SCRG1: variants seen among roughly 807,000 people sequenced by gnomAD.
SCRG1 encodes scrapie-responsive protein 1.
SCRG1 carries 3 observed loss-of-function variants against 7.7 expected under a neutral mutation model. That is an observed-to-expected ratio of 0.39 (90% CI 0.18 to 1.01). SCRG1 has a LOEUF of 1.01. Ranked by LOEUF, SCRG1 falls within the 50% of genes least tolerant of loss-of-function variation. The pLI is 0.36. For synonymous variants in SCRG1, 46 were observed against 41.2 expected, an observed-to-expected ratio of 1.12 and a Z score of -0.44; for missense variants, 110 against 117.2, an observed-to-expected ratio of 0.94 and a Z score of 0.28.
At chr4:173,492,584 T>C in the SCRG1 span, among the ~76,000 whole-genome samples, 1 of 152,090 alleles carries the variant, frequency 6.6e-6, no homozygotes, top group African/African-American at 2.4e-5. Context: ...AGGGATTTAG[T>C]AGGAGGTATG....
the SCRG1 span, among the ~76,000 whole-genome samples, chr4:173,464,681 G>T: frequency 6.6e-6 from 1 of 152,138 alleles, no homozygotes; most frequent in African/African-American, 2.4e-5. Flanking sequence ...AGACAGTTTG[G>T]CAGTTTCTCA....
chr4:173,502,472 T>C, the SCRG1 span, among the ~76,000 whole-genome samples: 4 of 152,172 alleles, frequency 2.6e-5, no homozygotes, highest in Admixed American at 6.5e-5. This position sits in a 1 kb window ranked among gnomAD's most constrained non-coding sequence, Gnocchi z 4.6. Flanking sequence ...TGATCTGCAA[T>C]AAAGTTCATG....
the SCRG1 span, among the ~76,000 whole-genome samples, chr4:173,415,290 G>C: frequency 6.6e-6 from 1 of 152,222 alleles, no homozygotes; most frequent in Non-Finnish European, 1.5e-5. Flanking sequence ...CTAATCTGTT[G>C]TGAAGTGAGG....
chr4:173,442,445 T>A, the SCRG1 span, among the ~76,000 whole-genome samples: 89 of 152,352 alleles, frequency 5.8e-4, no homozygotes, highest in African/African-American at 2.0e-3. Flanking sequence ...CGACTTCAGC[T>A]GCTCCCTGTC....
At chr4:173,467,719 T>C in the SCRG1 span, 2 of 152,216 alleles carry the variant, frequency 1.3e-5, no homozygotes, top group South Asian at 2.1e-4. Flanking sequence ...TCTCATTTCA[T>C]CTGAATTATA....
the SCRG1 span, among the ~76,000 whole-genome samples, chr4:173,451,903 A>G: frequency 6.6e-6 from 1 of 152,170 alleles, no homozygotes; most frequent in Admixed American, 6.6e-5. Context: ...ACAAGAGGTC[A>G]GAAGGAAATA....
chr4:173,429,757 G>A, the SCRG1 span, among the ~76,000 whole-genome samples: 1 of 152,246 alleles, frequency 6.6e-6, no homozygotes, highest in East Asian at 1.9e-4. Context: ...GGAATCAAAC[G>A]TGGTTATCAA....
rs11302799 is a variant in SCRG1 at position 173,386,301 on chromosome 4, A to ATTTTTTTTTTTTTTT, written c.*2025_*2039dup. 1.7e-5 allele frequency: 2 copies of ATTTTTTTTTTTTTTT among 117,028 alleles called. No homozygotes were observed. Among genetic ancestry groups the ATTTTTTTTTTTTTTT allele is most frequent in the African/African-American group, 6.1e-5 (2 of 32,528 alleles). The allele number at this position is 117,028 out of a possible 1,614,324, so 7.2% of individuals were successfully genotyped here. A position where few individuals can be genotyped will look rare whatever the true frequency, so the allele number is the denominator to read the frequency against. ...AGGCGCCTGCCACCACGCCCAGCTA[A>ATTTTTTTTTTTTTTT]TTTTTTTTTTTTTTTTTTTTGTATT... On this transcript the variant is annotated 3_prime_UTR_variant, in exon 3 of 3. Coordinates refer to ENST00000296506, the MANE Select transcript of SCRG1 (RefSeq NM_007281.4).
chr4:173,385,390 A>G lies in SCRG1; in HGVS notation c.*2951T>C, dbSNP rs1739218835. On this transcript the variant is annotated 3_prime_UTR_variant, in exon 3 of 3. Coordinates refer to ENST00000296506, the MANE Select transcript of SCRG1 (RefSeq NM_007281.4). ...GAGGTTGAAGCACAAGTATCACTTGAACCTGGGAGGCAGAGGTTGCAGTGA... is the reference window on the plus strand; with the variant it reads ...GAGGTTGAAGCACAAGTATCACTTGGACCTGGGAGGCAGAGGTTGCAGTGA... 1 of 152,078 alleles carries G rather than the reference A, an allele frequency of 6.6e-6. No individual in the cohort carries two copies. Among genetic ancestry groups the G allele is most frequent in the African/African-American group, 2.4e-5 (1 of 41,412 alleles). The allele number at this position is 152,078 out of a possible 1,614,324, so 9.4% of individuals were successfully genotyped here. A position where few individuals can be genotyped will look rare whatever the true frequency, so the allele number is the denominator to read the frequency against.
chr4:173,420,773 G>T, the SCRG1 span, among the ~76,000 whole-genome samples: 1 of 152,034 alleles, frequency 6.6e-6, no homozygotes, highest in Non-Finnish European at 1.5e-5. Context: ...TGGCTTCAAG[G>T]CTATGTCTGT....
At chr4:173,483,377 T>TTATATATTATATATTATACCATGA in the SCRG1 span, among the ~76,000 whole-genome samples, 1 of 16,150 alleles carries the variant, frequency 6.2e-5, no homozygotes, top group African/African-American at 1.9e-4. Context: ...TAATATTATA[T>TTATATATTATATATTATACCATGA]TATATATTAT....
chr4:173,498,482 C>G, the SCRG1 span, among the ~76,000 whole-genome samples: 1 of 152,192 alleles, frequency 6.6e-6, no homozygotes, highest in Admixed American at 6.5e-5. Flanking sequence ...TCCCTGGGCC[C>G]CAGCATACTC....
the SCRG1 span, among the ~76,000 whole-genome samples, chr4:173,488,140 A>T: frequency 6.9e-6 from 1 of 144,792 alleles, no homozygotes; most frequent in African/African-American, 2.5e-5. Flanking sequence ...TAAATTTAAA[A>T]AATGGTCTTT....
At chr4:173,426,280 C>T in the SCRG1 span, among the ~76,000 whole-genome samples, 6 of 152,114 alleles carry the variant, frequency 3.9e-5, no homozygotes, top group African/African-American at 1.4e-4. Flanking sequence ...CTCATTCATC[C>T]GGATGTTTGA....
the SCRG1 span, among the ~76,000 whole-genome samples, chr4:173,471,459 A>G: frequency 1.3e-4 from 20 of 152,218 alleles, no homozygotes; most frequent in African/African-American, 4.8e-4. Flanking sequence ...TAGTACAGAA[A>G]TTGGAATAAT....
chr4:173,502,109 A>C, the SCRG1 span, among the ~76,000 whole-genome samples: 4 of 151,820 alleles, frequency 2.6e-5, no homozygotes, highest in Admixed American at 2.6e-4. The surrounding 1 kb of genome is among the most constrained non-coding windows in gnomAD (Gnocchi z 4.6). Flanking sequence ...CCGGAGAAGA[A>C]TATAGTATTG....
chr4:173,413,171 T>C, the SCRG1 span, among the ~76,000 whole-genome samples: 1 of 152,086 alleles, frequency 6.6e-6, no homozygotes, highest in African/African-American at 2.4e-5. Context: ...AAACCACTTT[T>C]AGTTGCTCCA....
the SCRG1 span, among the ~76,000 whole-genome samples, chr4:173,488,020 G>C: frequency 3.3e-5 from 5 of 152,014 alleles, no homozygotes; most frequent in African/African-American, 1.2e-4. Flanking sequence ...AGAATCGCTT[G>C]AGCCCCAGAG....
intron 2 of SCRG1, 45 bp downstream of exon 2, chr4:173,391,128 T>C (rs1319516235): frequency 1.9e-6 from 3 of 1,602,758 alleles, no homozygotes; most frequent in Admixed American, 3.3e-5. Flanking sequence ...AAAGTTGTTC[T>C]GCATACATTT....
Sources: gnomAD v4.1 joint callset for allele counts (sites outside exome capture counted in the v4.1 genomes callset) on GRCh38, gnomAD v4.1.1 for gene constraint, Gnocchi (gnomAD v3.1) non-coding constraint, MANE v1.5 for transcripts, NCBI Gene and HGNC (gene_info 2026-07-23, HGNC 2026-07-21) for gene names.